ERC1: variants seen among roughly 807,000 people sequenced by gnomAD.
ERC1 encodes ELKS/RAB6-interacting/CAST family member 1.
ERC1 carries 56 observed loss-of-function variants against 132.0 expected under a neutral mutation model. The observed-to-expected ratio is 0.42, with a 90% CI of 0.34 to 0.53. The LOEUF (loss-of-function observed/expected upper bound fraction) is 0.53, where lower values mean the gene tolerates loss of function less well. Among genes scored for constraint, ERC1 ranks in the 20% least tolerant of loss-of-function variants. The probability of loss-of-function intolerance (pLI) is 0.03; values close to 1 mark genes in which losing one functional copy is unlikely to be tolerated. For synonymous variants in ERC1, 478 were observed against 476.1 expected (o/e 1.00, Z -0.05); for missense variants, 1,202 against 1,349.9 (o/e 0.89, Z 1.72).
intron 3 of ERC1, among the ~76,000 whole-genome samples, chr12:1,099,827 A>C (rs1944448615): frequency 7.3e-6 from 1 of 137,320 alleles, no homozygotes; most frequent in Non-Finnish European, 1.5e-5. Flanking sequence ...AGCCTGCTTG[A>C]GACTTTGATT....
chr12:1,293,226 G>A (rs552926710), intron 15 of ERC1, among the ~76,000 whole-genome samples: 4 of 150,522 alleles, frequency 2.7e-5, no homozygotes, highest in East Asian at 1.9e-4. Context: ...AGGCTGAGGC[G>A]GGCAGATCAC....
Position 1,495,931 on chromosome 12 carries a change from C to T in ERC1, c.*5701C>T, listed in dbSNP as rs998929222. On this transcript the variant is annotated 3_prime_UTR_variant, in exon 19 of 19. Coordinates refer to ENST00000360905, the MANE Select transcript of ERC1 (RefSeq NM_178040.4). ...GGAAATTATAAAGTTATTTAAAAAC[C>T]GTGCTGTGTCCTTCTTTGAGTGTCA... 1.7e-5 allele frequency: 3 copies of T among 179,606 alleles called. No individual in the cohort carries two copies. The highest frequency in any genetic ancestry group is 3.6e-5 in the Non-Finnish European group (3 of 83,948). The allele number at this position is 179,606 out of a possible 1,614,324, so 11.1% of individuals were successfully genotyped here. A position where few individuals can be genotyped will look rare whatever the true frequency, so the allele number is the denominator to read the frequency against.
At chr12:1,321,111 G>T (rs2154353917) in intron 15 of ERC1, among the ~76,000 whole-genome samples, 1 of 152,322 alleles carries the variant, frequency 6.6e-6, no homozygotes, top group Middle Eastern at 3.4e-3. Flanking sequence ...TGGTAACATG[G>T]CGAGTGCGGG....
intron 12 of ERC1, among the ~76,000 whole-genome samples, chr12:1,199,472 T>TA (rs144332674): frequency 0.052 from 7,773 of 150,234 alleles, 550 homozygotes; most frequent in African/African-American, 0.16. Context: ...CTGACTTTGT[T>TA]AAAAAAAAAA....
chr12:1,329,182 T>C (rs2082687608), intron 15 of ERC1, among the ~76,000 whole-genome samples: 1 of 144,276 alleles, frequency 6.9e-6, no homozygotes, highest in African/African-American at 2.6e-5. Flanking sequence ...TAATCCCAGC[T>C]ACTTGGGAGG....
chr12:1,478,141 G>A (rs1001221662), intron 18 of ERC1, among the ~76,000 whole-genome samples: 14 of 152,172 alleles, frequency 9.2e-5, no homozygotes, highest in African/African-American at 3.4e-4. Context: ...TTTCTAAAGT[G>A]GTTATGGCCA....
At chr12:1,066,139 C>T (rs893828158) in intron 2 of ERC1, among the ~76,000 whole-genome samples, 2 of 152,130 alleles carry the variant, frequency 1.3e-5, no homozygotes, top group Admixed American at 6.5e-5. Flanking sequence ...CTGAATTGTT[C>T]ACTTTAAAAT....
At chr12:1,411,184 A>G (rs1484276915) in intron 17 of ERC1, among the ~76,000 whole-genome samples, 5 of 152,198 alleles carry the variant, frequency 3.3e-5, no homozygotes, top group Non-Finnish European at 7.3e-5. Context: ...GCTGGAAAGT[A>G]TAGTCCAGCC....
intron 18 of ERC1, among the ~76,000 whole-genome samples, chr12:1,461,801 C>T (rs1337035669): frequency 1.3e-5 from 2 of 151,996 alleles, no homozygotes; most frequent in Non-Finnish European, 2.9e-5. Context: ...CTAAAACTAC[C>T]CCCAATTCAG....
intron 18 of ERC1, among the ~76,000 whole-genome samples, chr12:1,473,522 C>T (rs1408415408): frequency 6.6e-6 from 1 of 151,208 alleles, no homozygotes; most frequent in Non-Finnish European, 1.5e-5. Flanking sequence ...CCCGGCTACT[C>T]AGCGGTCTAA....
chr12:1,309,415 A>G (rs2081121683), intron 15 of ERC1, among the ~76,000 whole-genome samples: 2 of 152,220 alleles, frequency 1.3e-5, no homozygotes, highest in African/African-American at 4.8e-5. Context: ...AAGATTATCT[A>G]ATAATAAGTA....
At chr12:1,019,925 A>G in intron 1 of ERC1, among the ~76,000 whole-genome samples, 1 of 151,256 alleles carries the variant, frequency 6.6e-6, no homozygotes. Context: ...TTTTATTTTT[A>G]AATTTTTTTT....
At chr12:1,489,111 T>C (rs937533271) in intron 18 of ERC1, among the ~76,000 whole-genome samples, 5 of 152,188 alleles carry the variant, frequency 3.3e-5, no homozygotes, top group Non-Finnish European at 5.9e-5. Context: ...TGTTTTCAGC[T>C]CCATTTCCTG....
At chr12:1,316,720 A>G (rs2081761619) in intron 15 of ERC1, among the ~76,000 whole-genome samples, 1 of 152,232 alleles carries the variant, frequency 6.6e-6, no homozygotes, top group Admixed American at 6.5e-5. Context: ...TGACCCAGCA[A>G]TCCCATTACT....
intron 17 of ERC1, among the ~76,000 whole-genome samples, chr12:1,429,966 T>C (rs1160356262): frequency 6.6e-6 from 1 of 152,238 alleles, no homozygotes; most frequent in African/African-American, 2.4e-5. Context: ...GTGGTTTCTA[T>C]GTGCCAGGAA....
chr12:1,015,332 TAC>T (rs1321678701), intron 1 of ERC1, among the ~76,000 whole-genome samples: 4 of 151,692 alleles, frequency 2.6e-5, no homozygotes, highest in Admixed American at 1.3e-4. Context: ...GTGCTGGGAT[TAC>T]AAGTATGAGC....
At chr12:1,441,206 G>A (rs1031344507) in intron 17 of ERC1, among the ~76,000 whole-genome samples, 26 of 152,076 alleles carry the variant, frequency 1.7e-4, no homozygotes, top group African/African-American at 6.0e-4. Context: ...TTACAGGCAT[G>A]CGCCACCATG....
intron 13 of ERC1, among the ~76,000 whole-genome samples, chr12:1,254,655 C>CA (rs1311387757): frequency 6.6e-6 from 1 of 151,794 alleles, no homozygotes; most frequent in African/African-American, 2.4e-5. Context: ...CTGGGATTAC[C>CA]GGTGTGCATC....
intron 6 of ERC1, among the ~76,000 whole-genome samples, chr12:1,113,686 A>C (rs1946135941): frequency 6.6e-6 from 1 of 152,358 alleles, no homozygotes; most frequent in East Asian, 1.9e-4. Context: ...TATTGGCTAG[A>C]GGGAAGGTTG....
Sources: gnomAD v4.1 joint callset for allele counts (sites outside exome capture counted in the v4.1 genomes callset) on GRCh38, gnomAD v4.1.1 for gene constraint, MANE v1.5 for transcripts, NCBI Gene and HGNC (gene_info 2026-07-23, HGNC 2026-07-21) for gene names.